LDLRAD4: variants seen among roughly 807,000 people sequenced by gnomAD.
LDLRAD4 encodes low-density lipoprotein receptor class A domain-containing protein 4.
A neutral mutation model predicts 17.0 loss-of-function variants in LDLRAD4; 5 were observed. That is an observed-to-expected ratio of 0.29 (90% CI 0.15 to 0.62). The LOEUF is 0.62. LDLRAD4 is among the 20% of genes least tolerant of loss of function. The pLI is 0.84. For missense variants in LDLRAD4, 340 were observed against 424.7 expected (o/e 0.80, Z 1.75); for synonymous variants, 168 against 171.8 (o/e 0.98, Z 0.17).
intron 1 of LDLRAD4, among the ~76,000 whole-genome samples, chr18:13,350,000 A>G (rs548996460): frequency 1.3e-5 from 2 of 152,254 alleles, no homozygotes; most frequent in African/African-American, 4.8e-5. Flanking sequence ...TCCATGGTGT[A>G]TATGTACCAC....
At chr18:13,649,899 C>T (rs528166124) in exon 6 of LDLRAD4, 3 of 396,744 alleles carry the variant, frequency 7.6e-6, no homozygotes, top group East Asian at 3.6e-5. Flanking sequence ...AAGAATGCCG[C>T]GTGCTTGGCC....
chr18:13,471,877 G>T (rs2092784839), intron 3 of LDLRAD4: 1 of 152,168 alleles, frequency 6.6e-6, no homozygotes, highest in African/African-American at 2.4e-5. Context: ...AGAATCTTTG[G>T]CACTATAAAA....
intron 3 of LDLRAD4, among the ~76,000 whole-genome samples, chr18:13,512,286 A>T (rs188423277): frequency 6.6e-6 from 1 of 152,310 alleles, no homozygotes; most frequent in Non-Finnish European, 1.5e-5. Flanking sequence ...GAGTCATGAT[A>T]CAGGAATGAT....
chr18:13,326,196 A>G (rs1568010486), intron 1 of LDLRAD4, among the ~76,000 whole-genome samples: 1 of 152,108 alleles, frequency 6.6e-6, no homozygotes, highest in African/African-American at 2.4e-5. Context: ...CCACAGACAC[A>G]TCTGTATCTA....
chr18:13,382,129 A>T (rs371270814), intron 1 of LDLRAD4, among the ~76,000 whole-genome samples: 2 of 152,256 alleles, frequency 1.3e-5, no homozygotes. Context: ...GAAATAAAAA[A>T]TGAAACTGCA....
chr18:13,609,722 C>T (rs1488598268), intron 3 of LDLRAD4, among the ~76,000 whole-genome samples: 1 of 152,168 alleles, frequency 6.6e-6, no homozygotes, highest in African/African-American at 2.4e-5. Flanking sequence ...CCTGTAATCC[C>T]AGAACTCTGA....
chr18:13,500,500 G>A (rs2093595356), intron 3 of LDLRAD4: 1 of 152,264 alleles, frequency 6.6e-6, no homozygotes, highest in Non-Finnish European at 1.5e-5. Flanking sequence ...GCGCCTGTGG[G>A]AGGGCAGCGT....
chr18:13,264,230 C>G (rs2044083407), intron 1 of LDLRAD4, among the ~76,000 whole-genome samples: 1 of 152,182 alleles, frequency 6.6e-6, no homozygotes, highest in East Asian at 1.9e-4. Flanking sequence ...AGGATGGGTC[C>G]TTTGAGGAGG....
At chr18:13,591,752 G>C (rs1469009460) in intron 3 of LDLRAD4, among the ~76,000 whole-genome samples, 4 of 152,228 alleles carry the variant, frequency 2.6e-5, no homozygotes, top group Non-Finnish European at 5.9e-5. Context: ...TTCCAGGATT[G>C]TGAGGCATGG....
chr18:13,572,467 G>C (rs1287232484), intron 3 of LDLRAD4, among the ~76,000 whole-genome samples: 2 of 152,192 alleles, frequency 1.3e-5, no homozygotes. Flanking sequence ...GAATCCCTTG[G>C]CCTTTTTACT....
rs900538096 is a variant in LDLRAD4, at chr18:13,600,228, A to T, written c.182-20889A>T. Among the ~76,000 whole-genome samples, 5 of 152,266 alleles carry T rather than the reference A, an allele frequency of 3.3e-5. No individual in the cohort carries two copies. The East Asian group carries it at 9.6e-4, about 29-fold the overall frequency. On this transcript the variant is annotated intron_variant, in intron 3 of 5. Coordinates refer to ENST00000359446, the Ensembl canonical transcript of LDLRAD4. ...TTGTTACTTAGAAGTTAAATTTTTT[A>T]AAAAATGAATTAATTGAAGTCCAGT...
chr18:13,585,288 T>C (rs1284401), intron 3 of LDLRAD4: 146,136 of 152,292 alleles, frequency 0.96, 70,144 homozygotes, highest in East Asian at 1. Flanking sequence ...CTCTTTATTC[T>C]GGCATGAATA....
chr18:13,292,168 G>A (rs937199842), intron 1 of LDLRAD4, among the ~76,000 whole-genome samples: 6 of 152,206 alleles, frequency 3.9e-5, no homozygotes, highest in Non-Finnish European at 7.3e-5. Context: ...TAATGGTAGA[G>A]CATGTCTGCA....
chr18:13,267,456 G>A (rs1346123511), intron 1 of LDLRAD4, among the ~76,000 whole-genome samples: 5 of 152,216 alleles, frequency 3.3e-5, no homozygotes, highest in East Asian at 1.9e-4. Context: ...TGAGAAGAAC[G>A]GGGACAGTTT....
At chr18:13,406,550 T>C (rs1342954160) in intron 2 of LDLRAD4, among the ~76,000 whole-genome samples, 2 of 152,196 alleles carry the variant, frequency 1.3e-5, no homozygotes, top group Non-Finnish European at 2.9e-5. Flanking sequence ...TTTTGTTTAC[T>C]GGGGAAGAGG....
intron 1 of LDLRAD4, among the ~76,000 whole-genome samples, chr18:13,381,791 G>T (rs75323641): frequency 6.6e-6 from 1 of 152,346 alleles, no homozygotes; most frequent in East Asian, 1.9e-4. Context: ...CTCATGACAA[G>T]CCCTTTGCCT....
Position 13,467,873 on chromosome 18 carries a change from A to G in LDLRAD4, c.181+29489A>G, listed in dbSNP as rs576341640. On this transcript the variant is annotated intron_variant, in intron 3 of 5. Coordinates refer to ENST00000359446, the Ensembl canonical transcript of LDLRAD4. ...TGGATGATTTTTGATAAGGGCTCCA[A>G]GTCCATTTAATGGGAAAGAATAGTC... 3.9e-4 allele frequency among the ~76,000 whole-genome samples: 59 copies of G among 152,344 alleles called. 1 individual carries two copies. The South Asian group carries it at 0.012, about 30-fold the overall frequency.
chr18:13,591,243 T>C (rs1428077403), intron 3 of LDLRAD4, among the ~76,000 whole-genome samples: 2 of 152,220 alleles, frequency 1.3e-5, no homozygotes, highest in Admixed American at 6.5e-5. Flanking sequence ...TTGGTCTAAA[T>C]TGAAGACTGT....
intron 2 of LDLRAD4, among the ~76,000 whole-genome samples, chr18:13,422,079 T>A (rs1043592823): frequency 6.6e-6 from 1 of 152,264 alleles, no homozygotes; most frequent in Non-Finnish European, 1.5e-5. Flanking sequence ...AGTTACCGTT[T>A]ATCTAAGTAT....
Sources: gnomAD v4.1 joint callset for allele counts (sites outside exome capture counted in the v4.1 genomes callset) on GRCh38, gnomAD v4.1.1 for gene constraint, MANE v1.5 for transcripts, NCBI Gene and HGNC (gene_info 2026-07-23, HGNC 2026-07-21) for gene names.